The following RBFOX1 variants were observed in gnomAD, a reference collection of about 807,000 sequenced individuals.
RBFOX1 encodes the protein RNA binding protein fox-1 homolog 1.
A neutral mutation model predicts 57.7 loss-of-function variants in RBFOX1; 8 were observed. The observed-to-expected ratio is 0.14, with a 90% CI of 0.08 to 0.25. The LOEUF (loss-of-function observed/expected upper bound fraction) is 0.25, where lower values mean the gene tolerates loss of function less well. RBFOX1 is among the 10% of genes least tolerant of loss of function. The pLI is 1.00. For synonymous variants in RBFOX1, 326 were observed against 222.4 expected (o/e 1.47, Z -4.15); for missense variants, 611 against 548.5 (o/e 1.11, Z -1.14).
intron 2 of RBFOX1, among the ~76,000 whole-genome samples, chr16:6,614,785 T>C (rs1228083568): frequency 6.6e-6 from 1 of 152,178 alleles, no homozygotes; most frequent in South Asian, 2.1e-4. Context: ...ATTTTATTTA[T>C]GAGGACATCA....
chr16:6,390,483 G>A (rs957623590), intron 2 of RBFOX1, among the ~76,000 whole-genome samples: 1 of 151,304 alleles, frequency 6.6e-6, no homozygotes, highest in Non-Finnish European at 1.5e-5. Flanking sequence ...TTGTTTCTGG[G>A]AATAAAATAG....
At chr16:6,738,160 C>T (rs919592977) in intron 3 of RBFOX1, among the ~76,000 whole-genome samples, 1 of 151,368 alleles carries the variant, frequency 6.6e-6, no homozygotes, top group Non-Finnish European at 1.5e-5. Flanking sequence ...TCTTAAATGA[C>T]TGTATGATGA....
At chr16:7,249,179 C>T (rs2094421978) in intron 4 of RBFOX1, among the ~76,000 whole-genome samples, 1 of 152,184 alleles carries the variant, frequency 6.6e-6, no homozygotes, top group African/African-American at 2.4e-5. Context: ...CACCACCAAC[C>T]TTCAGCTAAG....
At chr16:6,417,490 A>T (rs532077802) in intron 2 of RBFOX1, among the ~76,000 whole-genome samples, 2 of 147,244 alleles carry the variant, frequency 1.4e-5, no homozygotes, top group Non-Finnish European at 1.5e-5. Context: ...CCTGAGTTCA[A>T]GCAATTCTCC....
chr16:7,231,460 A>C (rs17142921), intron 4 of RBFOX1, among the ~76,000 whole-genome samples: 2,055 of 152,248 alleles, frequency 0.013, 40 homozygotes, highest in African/African-American at 0.047. Context: ...TATCATCCTA[A>C]CCAAACTTTT....
intron 4 of RBFOX1, among the ~76,000 whole-genome samples, chr16:7,434,940 G>A (rs765538594): frequency 2.6e-5 from 4 of 152,006 alleles, no homozygotes; most frequent in Non-Finnish European, 4.4e-5. Context: ...GGGTTTCACC[G>A]TGTTGGTGAG....
At chr16:6,263,031 C>G (rs916283442) in intron 1 of RBFOX1, among the ~76,000 whole-genome samples, 1 of 152,138 alleles carries the variant, frequency 6.6e-6, no homozygotes, top group Non-Finnish European at 1.5e-5. Context: ...ATTAAAGTCA[C>G]CCACTCAAAG....
chr16:5,926,189 A>G (rs1230528579), intron 4 of RBFOX1, among the ~76,000 whole-genome samples: 1 of 152,218 alleles, frequency 6.6e-6, no homozygotes, highest in African/African-American at 2.4e-5. Context: ...TAAATCTGAT[A>G]CTATTTAAAA....
intron 4 of RBFOX1, among the ~76,000 whole-genome samples, chr16:7,144,055 G>A (rs1012512253): frequency 2.6e-5 from 4 of 152,090 alleles, no homozygotes; most frequent in Non-Finnish European, 4.4e-5. Flanking sequence ...GCTGAGTTTC[G>A]GGTTGATGTG....
At chr16:6,857,987 G>C (rs1324612845) in intron 3 of RBFOX1, among the ~76,000 whole-genome samples, 3 of 152,138 alleles carry the variant, frequency 2.0e-5, no homozygotes, top group African/African-American at 4.8e-5. Flanking sequence ...AGTTGAGAGG[G>C]AGATTCTAAA....
At position 6,816,128 on chromosome 16, in the gene RBFOX1, G is replaced by C. The variant is rs74735954; in HGVS notation, c.-16+161478G>C. On this transcript the variant is annotated intron_variant, in intron 3 of 15. Transcript: ENST00000550418. The stretch of plus-strand genomic sequence containing the variant: ...TTCGAGACCAGCCTGTGCAACATGA[G>C]GAGACCCCGTCTCTACAAAATTTTT... 4.6e-3 allele frequency among the ~76,000 whole-genome samples: 699 copies of C among 152,162 alleles called. 5 individuals are homozygous for C. Among genetic ancestry groups the C allele is most frequent in the African/African-American group, 0.016 (655 of 41,496 alleles).
chr16:6,752,812 C>A (rs1410288547), intron 3 of RBFOX1, among the ~76,000 whole-genome samples: 1 of 61,368 alleles, frequency 1.6e-5, no homozygotes, highest in Non-Finnish European at 3.5e-5. Flanking sequence ...TTTATTCCTA[C>A]TCCTATTTTT....
chr16:6,069,567 T>C (rs2095810339), intron 1 of RBFOX1, among the ~76,000 whole-genome samples: 1 of 152,170 alleles, frequency 6.6e-6, no homozygotes, highest in African/African-American at 2.4e-5. Context: ...AAAAGGACCT[T>C]TAGACTCTTC....
At chr16:5,787,853 CATTGCA>C in intron 3 of RBFOX1, among the ~76,000 whole-genome samples, 1 of 152,316 alleles carries the variant, frequency 6.6e-6, no homozygotes, top group Non-Finnish European at 1.5e-5. Flanking sequence ...AGGAAGAATG[CATTGCA>C]ATTGCAGTGT....
At chr16:7,632,322 T>C (rs951561815) in intron 11 of RBFOX1, among the ~76,000 whole-genome samples, 2 of 152,188 alleles carry the variant, frequency 1.3e-5, no homozygotes, top group Non-Finnish European at 2.9e-5. Context: ...CTTTCTGAAT[T>C]TGTGACAACA....
chr16:6,413,296 G>A (rs1010308077), intron 2 of RBFOX1, among the ~76,000 whole-genome samples: 7 of 145,994 alleles, frequency 4.8e-5, no homozygotes, highest in Middle Eastern at 3.6e-3. Context: ...TCCAGCCTGC[G>A]CAACAAGAGA....
chr16:5,554,943 A>C (rs13337577), intron 2 of RBFOX1, among the ~76,000 whole-genome samples: 2 of 152,324 alleles, frequency 1.3e-5, no homozygotes, highest in South Asian at 4.1e-4. Flanking sequence ...GGCAGGATGC[A>C]GAGTTGTATT....
rs146244817 is a variant in RBFOX1, at chr16:6,601,635, G to T, written c.-63-52968G>T. 1.7e-3 allele frequency among the ~76,000 whole-genome samples: 258 copies of T among 152,230 alleles called. 1 individual carries two copies. The Middle Eastern group carries it at 0.02, about 12-fold the overall frequency. ...CCAGTCCAATCCTTGGGACTAGCTC[G>T]CTCAGGAACTCTCAGAGGTACATAT... On this transcript the variant is annotated intron_variant, in intron 2 of 15. Transcript: ENST00000550418.
At chr16:7,710,218 G>A (rs1393610041) in intron 15 of RBFOX1, 15 of 1,040,630 alleles carry the variant, frequency 1.4e-5, no homozygotes, top group South Asian at 3.7e-5. Flanking sequence ...TCCCAATTCT[G>A]CATTCAACAA....
Sources: allele counts gnomAD v4.1 joint callset (sites outside exome capture counted in the v4.1 genomes callset), GRCh38; gene constraint gnomAD v4.1.1; transcripts MANE v1.5; gene names NCBI Gene and HGNC (gene_info 2026-07-23, HGNC 2026-07-21).